ZRANB1: variants seen among roughly 807,000 people sequenced by gnomAD.
ZRANB1 encodes zinc finger RANBP2-type containing 1.
ZRANB1 carries 16 observed loss-of-function variants against 80.5 expected under a neutral mutation model. The ratio of observed to expected loss-of-function variants is 0.20; its 90% CI spans 0.13 to 0.30. ZRANB1 has a LOEUF of 0.30. Ranked by LOEUF, ZRANB1 falls within the 10% of genes least tolerant of loss-of-function variation. The pLI is 1.00. For missense variants in ZRANB1, 576 were observed against 862.6 expected (o/e 0.67, Z 4.16); for synonymous variants, 291 against 293.1 (o/e 0.99, Z 0.07).
rs1295268779 is a variant in ZRANB1, at chr10:124,986,285, G to GCACACACACACACACA, written c.*1294_*1295insACACACACACACACAC. The GCACACACACACACACA allele has an allele frequency of 8.6e-5, 5 of 57,844 alleles. No homozygotes were observed. Among genetic ancestry groups the GCACACACACACACACA allele is most frequent in the African/African-American group, 2.8e-4 (5 of 17,922 alleles). The allele number at this position is 57,844 out of a possible 1,614,324, so 3.6% of individuals were successfully genotyped here. A position where few individuals can be genotyped will look rare whatever the true frequency, so the allele number is the denominator to read the frequency against. On this transcript the variant is annotated 3_prime_UTR_variant, in exon 9 of 9. Coordinates refer to ENST00000359653, the MANE Select transcript of ZRANB1 (RefSeq NM_017580.3). ...TTGGAAAGACGACACACGCACGCGC[G>GCACACACACACACACA]CGCGCGCACACACACACACACACAC...
intron 5 of ZRANB1, among the ~76,000 whole-genome samples, chr10:124,977,731 AAAAAAG>A (rs1464010546): frequency 1.3e-5 from 2 of 149,810 alleles, no homozygotes; most frequent in Non-Finnish European, 3.0e-5. Context: ...AAAAAAAAAA[AAAAAAG>A]ATGGTTTGGT....
intron 3 of ZRANB1, among the ~76,000 whole-genome samples, chr10:124,972,822 G>C (rs1221375417): frequency 6.6e-6 from 1 of 151,430 alleles, no homozygotes; most frequent in African/African-American, 2.4e-5. Flanking sequence ...CTGTTGCCCA[G>C]GCTAGAGTGC....
At chr10:124,982,137 T>C (rs777921012) in intron 6 of ZRANB1, among the ~76,000 whole-genome samples, 7 of 152,226 alleles carry the variant, frequency 4.6e-5, no homozygotes, top group African/African-American at 7.2e-5. Flanking sequence ...GACGGTTACA[T>C]ACAGTAGATA....
At position 124,985,164 on chromosome 10, in the gene ZRANB1, C is replaced by T. The variant is rs766083557; in HGVS notation, c.*172C>T. 170 of 528,566 alleles carry T rather than the reference C, an allele frequency of 3.2e-4. No homozygotes were observed. The highest frequency in any genetic ancestry group is 4.8e-4 in the Non-Finnish European group (144 of 301,300). The allele number at this position is 528,566 out of a possible 1,614,324, so 32.7% of individuals were successfully genotyped here. On this transcript the variant is annotated 3_prime_UTR_variant, in exon 9 of 9. Coordinates refer to ENST00000359653, the MANE Select transcript of ZRANB1 (RefSeq NM_017580.3). ...CCTTATGGAGATAATGCCTCTGCTG[C>T]GTGAGGAGACAGAGAACTTTAGTTG...
At chr10:124,946,584 C>T (rs1951586091) in intron 1 of ZRANB1, among the ~76,000 whole-genome samples, 1 of 152,006 alleles carries the variant, frequency 6.6e-6, no homozygotes, top group Admixed American at 6.6e-5. Flanking sequence ...GTATTTGGTT[C>T]TTGGTAATGT....
Position 124,971,940 on chromosome 10 carries a change from G to A in ZRANB1, c.1003-25G>A, listed in dbSNP as rs775465274. ...CTTCCACTTATGATACATGAGATGA[G>A]AGGAAGGTTTCTTTTGTATTTAAGG... On this transcript the variant is annotated intron_variant, in intron 2 of 8. Coordinates refer to ENST00000359653, the MANE Select transcript of ZRANB1 (RefSeq NM_017580.3). 10 of 1,548,306 alleles carry A rather than the reference G, an allele frequency of 6.5e-6. No homozygotes were observed. The South Asian group carries it at 9.0e-5, about 14-fold the overall frequency.
rs542673576 is a variant in ZRANB1 at position 124,948,059 on chromosome 10, C to T, written c.814+4752C>T. 3.9e-5 allele frequency among the ~76,000 whole-genome samples: 6 copies of T among 152,200 alleles called. No homozygotes were observed. The South Asian group carries it at 1.0e-3, about 26-fold the overall frequency. On this transcript the variant is annotated intron_variant, in intron 1 of 8. Coordinates refer to ENST00000359653, the MANE Select transcript of ZRANB1 (RefSeq NM_017580.3). The stretch of plus-strand genomic sequence containing the variant: ...GAATAACACAGGTCTGAACTGTGCG[C>T]GTCCACTTATACGTGAGTTTTCTAC...
At chr10:124,946,747 T>C (rs548471546) in intron 1 of ZRANB1, among the ~76,000 whole-genome samples, 1 of 152,350 alleles carries the variant, frequency 6.6e-6, no homozygotes, top group African/African-American at 2.4e-5. Context: ...TAAATACTTT[T>C]TTTAAACTTG....
chr10:124,985,159 T>G lies in ZRANB1; in HGVS notation c.*167T>G, dbSNP rs1165729500. ...ACACACCTTATGGAGATAATGCCTCTGCTGCGTGAGGAGACAGAGAACTTT... is the reference window on the plus strand; with the variant it reads ...ACACACCTTATGGAGATAATGCCTCGGCTGCGTGAGGAGACAGAGAACTTT... On this transcript the variant is annotated 3_prime_UTR_variant, in exon 9 of 9. Coordinates refer to ENST00000359653, the MANE Select transcript of ZRANB1 (RefSeq NM_017580.3). 1.8e-6 allele frequency: 1 copy of G among 558,428 alleles called. No homozygotes were observed. The highest frequency in any genetic ancestry group is 3.1e-6 in the Non-Finnish European group (1 of 318,504). 34.6% of individuals were successfully genotyped at this position (558,428 alleles called of 1,614,324 possible).
the ZRANB1 span, among the ~76,000 whole-genome samples, chr10:124,928,419 C>T: frequency 6.6e-6 from 1 of 152,132 alleles, no homozygotes; most frequent in Non-Finnish European, 1.5e-5. Flanking sequence ...TTACCCACCC[C>T]TCCCCAACTG....
At chr10:124,957,236 A>G (rs928458419) in intron 1 of ZRANB1, among the ~76,000 whole-genome samples, 5 of 151,524 alleles carry the variant, frequency 3.3e-5, no homozygotes, top group Admixed American at 2.6e-4. Flanking sequence ...ATGATCTTCA[A>G]TTTAGATTTG....
At position 124,942,985 on chromosome 10, in the gene ZRANB1, C is replaced by G. The variant is rs1364423151; in HGVS notation, c.492C>G (p.Ala164=). 1.9e-6 allele frequency: 3 copies of G among 1,613,960 alleles called. No individual in the cohort carries two copies. In the African/African-American group the frequency reaches 4.0e-5, roughly 22 times the overall value. The change falls in exon 1 of 9, where the codon GCC becomes GCG. Residue 164 remains alanine, a synonymous_variant. Coordinates refer to ENST00000359653, the MANE Select transcript of ZRANB1 (RefSeq NM_017580.3). Reference sequence around the variant, plus strand: ...CTGTTTGCACATATGAAAACTGGGCCAAGGCTAAAAGATGTGTTGTTTGTG... The same window carrying G: ...CTGTTTGCACATATGAAAACTGGGCGAAGGCTAAAAGATGTGTTGTTTGTG... ...TCSVCTYENW[A]KAKRCVVCDH... is the part of the protein sequence containing the mutation.
chr10:124,962,639 C>T (rs562228350), intron 1 of ZRANB1, among the ~76,000 whole-genome samples: 4 of 152,278 alleles, frequency 2.6e-5, no homozygotes, highest in East Asian at 1.9e-4. Flanking sequence ...CTTCAAAATA[C>T]GTAAACTGTA....
At chr10:124,949,255 A>G (rs1021383217) in intron 1 of ZRANB1, among the ~76,000 whole-genome samples, 1 of 152,018 alleles carries the variant, frequency 6.6e-6, no homozygotes, top group African/African-American at 2.4e-5. Flanking sequence ...TTCAGTTGTC[A>G]TTGGACCTGC....
At chr10:124,924,454 AAG>A in the ZRANB1 span, among the ~76,000 whole-genome samples, 2 of 152,160 alleles carry the variant, frequency 1.3e-5, no homozygotes, top group African/African-American at 2.4e-5. Context: ...TGACCCCAAA[AAG>A]AAACTCTGTA....
the ZRANB1 span, among the ~76,000 whole-genome samples, chr10:124,928,886 C>A: frequency 6.6e-6 from 1 of 152,120 alleles, no homozygotes; most frequent in African/African-American, 2.4e-5. Flanking sequence ...TGTGGAAAAT[C>A]TGGGGAAATA....
the ZRANB1 span, among the ~76,000 whole-genome samples, chr10:124,922,181 C>T: frequency 6.7e-6 from 1 of 149,822 alleles, no homozygotes; most frequent in Non-Finnish European, 1.5e-5. Flanking sequence ...CTGGGCTCAA[C>T]CAATCCTCTT....
chr10:124,971,755 C>T (rs954221780), intron 2 of ZRANB1, among the ~76,000 whole-genome samples: 1 of 152,150 alleles, frequency 6.6e-6, no homozygotes, highest in African/African-American at 2.4e-5. Context: ...AAGAGAATTA[C>T]TGAATCAGAG....
In ZRANB1 at chr10:124,987,190, A is replaced by AAGTT; in HGVS notation, c.*2200_*2201insTTAG. The AAGTT allele has an allele frequency of 6.6e-6, 1 of 152,480 alleles. No homozygotes were observed. The highest frequency in any genetic ancestry group is 1.5e-5 in the Non-Finnish European group (1 of 67,998). The allele number at this position is 152,480 out of a possible 1,614,324, so 9.4% of individuals were successfully genotyped here. On this transcript the variant is annotated 3_prime_UTR_variant, in exon 9 of 9. Coordinates refer to ENST00000359653, the MANE Select transcript of ZRANB1 (RefSeq NM_017580.3). ...TTAAAACAGCCATAATTATTGTCCC[A>AAGTT]AGATAGAATATAGTCCTTTTTCAAA... is the stretch of plus-strand genomic sequence containing the variant.
Sources: allele counts gnomAD v4.1 joint callset (sites outside exome capture counted in the v4.1 genomes callset), GRCh38; gene constraint gnomAD v4.1.1; transcripts MANE v1.5; gene names NCBI Gene and HGNC (gene_info 2026-07-23, HGNC 2026-07-21).